LY96: variants seen among roughly 807,000 people sequenced by gnomAD.
LY96 encodes the protein lymphocyte antigen 96.
LY96 carries 18 observed loss-of-function variants against 18.9 expected under a neutral mutation model. The observed-to-expected ratio is 0.95, with a 90% CI of 0.66 to 1.41. LY96 has a LOEUF of 1.41. Ranked by LOEUF, LY96 falls within the 40% of genes most tolerant of loss-of-function variation. LY96 has a pLI of 0.00. For synonymous variants in LY96, 66 were observed against 62.6 expected (o/e 1.06, Z -0.26); for missense variants, 175 against 182.4 (o/e 0.96, Z 0.23).
At chr8:74,020,463 G>A (rs1307198622) in intron 3 of LY96, among the ~76,000 whole-genome samples, 2 of 152,020 alleles carry the variant, frequency 1.3e-5, no homozygotes, top group Non-Finnish European at 1.5e-5. Context: ...ATGGATGGGA[G>A]GAATCAATAT....
At chr8:74,050,459 C>T in the LY96 span, among the ~76,000 whole-genome samples, 4 of 152,002 alleles carry the variant, frequency 2.6e-5, no homozygotes, top group Non-Finnish European at 1.5e-5. Context: ...CTCCACCATC[C>T]GTCACCAGGT....
chr8:74,037,370 T>C, the LY96 span, among the ~76,000 whole-genome samples: 2 of 152,180 alleles, frequency 1.3e-5, no homozygotes, highest in Non-Finnish European at 2.9e-5. Context: ...GGGTCATGCC[T>C]GTAAACCCAG....
intron 3 of LY96, among the ~76,000 whole-genome samples, chr8:74,021,675 T>A (rs1398407805): frequency 6.6e-6 from 1 of 152,194 alleles, no homozygotes; most frequent in African/African-American, 2.4e-5. Context: ...CCAACCCAAA[T>A]GTCCATCAAT....
chr8:74,081,675 A>G, the LY96 span, among the ~76,000 whole-genome samples: 20 of 151,724 alleles, frequency 1.3e-4, no homozygotes. Flanking sequence ...TTCTTTTTAG[A>G]CAGAGTCTCA....
At chr8:74,015,105 G>A (rs544400656) in intron 3 of LY96, among the ~76,000 whole-genome samples, 5 of 152,188 alleles carry the variant, frequency 3.3e-5, no homozygotes, top group Admixed American at 2.0e-4. Context: ...TACTTGAGAG[G>A]CTGAGGCGGG....
intron 3 of LY96, among the ~76,000 whole-genome samples, chr8:74,016,677 C>A (rs1816649477): frequency 6.6e-6 from 1 of 152,170 alleles, no homozygotes; most frequent in East Asian, 1.9e-4. Context: ...AAGGATCAGG[C>A]AGCAATATTT....
chr8:74,049,494 C>G, the LY96 span, among the ~76,000 whole-genome samples: 1 of 152,166 alleles, frequency 6.6e-6, no homozygotes, highest in Non-Finnish European at 1.5e-5. Context: ...ATTTTGATAA[C>G]ATCACCTGAG....
intron 1 of LY96, among the ~76,000 whole-genome samples, chr8:74,002,720 T>C (rs1431537212): frequency 6.6e-6 from 1 of 151,272 alleles, no homozygotes; most frequent in Non-Finnish European, 1.5e-5. Context: ...TACAGGCACA[T>C]GCCACCACGC....
chr8:74,068,102 A>ATATATATATATATATATATATATATAT, the LY96 span, among the ~76,000 whole-genome samples: 3 of 139,274 alleles, frequency 2.2e-5, no homozygotes, highest in Non-Finnish European at 3.1e-5. Flanking sequence ...ATATATATAT[A>ATATATATATATATATATATATATATAT]ACATTTCCTT....
At chr8:74,093,373 C>G in the LY96 span, among the ~76,000 whole-genome samples, 2 of 152,306 alleles carry the variant, frequency 1.3e-5, no homozygotes, top group Admixed American at 1.3e-4. Flanking sequence ...ACTGCAGTGC[C>G]TGGCACATAG....
the LY96 span, among the ~76,000 whole-genome samples, chr8:74,089,453 A>G: frequency 6.6e-6 from 1 of 151,998 alleles, no homozygotes; most frequent in African/African-American, 2.4e-5. Flanking sequence ...CCAAACATGC[A>G]TAGGACGAGC....
At chr8:73,994,766 C>T (rs1586644001) in intron 1 of LY96, among the ~76,000 whole-genome samples, 1 of 152,176 alleles carries the variant, frequency 6.6e-6, no homozygotes. Flanking sequence ...GGATTACAGG[C>T]CTGAGCCACT....
intron 3 of LY96, among the ~76,000 whole-genome samples, chr8:74,025,824 A>G (rs1261737781): frequency 6.6e-6 from 1 of 152,210 alleles, no homozygotes; most frequent in Non-Finnish European, 1.5e-5. Flanking sequence ...CCTGGTCAGC[A>G]TGATGAAACC....
chr8:74,093,152 T>C, the LY96 span, among the ~76,000 whole-genome samples: 3 of 152,328 alleles, frequency 2.0e-5, no homozygotes, highest in Non-Finnish European at 4.4e-5. Context: ...GTTTCTTTCC[T>C]TCTCATTCAG....
chr8:74,071,869 G>A, the LY96 span, among the ~76,000 whole-genome samples: 18,247 of 152,044 alleles, frequency 0.12, 2,051 homozygotes, highest in African/African-American at 0.3. Context: ...CTGCAATATC[G>A]TGTTGCATTG....
intron 3 of LY96, among the ~76,000 whole-genome samples, chr8:74,019,723 A>T (rs192291668): frequency 1.3e-5 from 2 of 152,134 alleles, no homozygotes; most frequent in Admixed American, 1.3e-4. Flanking sequence ...TTATGCGCCA[A>T]GATCAAGTTG....
the LY96 span, among the ~76,000 whole-genome samples, chr8:74,063,231 T>C: frequency 3.3e-5 from 5 of 152,214 alleles, no homozygotes; most frequent in Non-Finnish European, 7.3e-5. Context: ...GTGTAAGTAA[T>C]TCAAGAGTGA....
chr8:74,076,634 T>A, the LY96 span, among the ~76,000 whole-genome samples: 1 of 152,122 alleles, frequency 6.6e-6, no homozygotes, highest in African/African-American at 2.4e-5. Context: ...CCGAGATACT[T>A]TTGAGGTAAT....
rs751860115 is a variant in LY96, at chr8:74,002,300, CTT to C, written c.113-2494_113-2493del. ...TATAGCCATTATTTCTTTGAATAAA[CTT>C]TCTGTAGTCTGTTCTTTTTTTCTTC... On this transcript the variant is annotated intron_variant, in intron 1 of 4. Transcript: ENST00000284818. Among the ~76,000 whole-genome samples the C allele has an allele frequency of 4.2e-4, 64 of 151,510 alleles. 2 individuals carry two copies. Among genetic ancestry groups the C allele is most frequent in the Admixed American group, 2.0e-4 (3 of 15,182 alleles).
Sources: gnomAD v4.1 joint callset for allele counts (sites outside exome capture counted in the v4.1 genomes callset) on GRCh38, gnomAD v4.1.1 for gene constraint, MANE v1.5 for transcripts, NCBI Gene and HGNC (gene_info 2026-07-23, HGNC 2026-07-21) for gene names.